ANK2: variants seen among roughly 807,000 people sequenced by gnomAD.
ANK2 encodes ankyrin 2.
A neutral mutation model predicts 360.5 loss-of-function variants in ANK2; 83 were observed. That is an observed-to-expected ratio of 0.23 (90% CI 0.19 to 0.28). The LOEUF (loss-of-function observed/expected upper bound fraction) is 0.28. ANK2 is among the 10% of genes least tolerant of loss of function. The probability of loss-of-function intolerance (pLI) is 1.00; values close to 1 mark genes in which losing one functional copy is unlikely to be tolerated. For synonymous variants in ANK2, 1,740 were observed against 1,759.5 expected (o/e 0.99, Z 0.28); for missense variants, 4,201 against 4,795.7 (o/e 0.88, Z 3.66).
At chr4:112,804,272 G>A in the ANK2 span, among the ~76,000 whole-genome samples, 4 of 151,962 alleles carry the variant, frequency 2.6e-5, no homozygotes, top group South Asian at 2.1e-4. Flanking sequence ...TGCGCACCTC[G>A]GCCTCCCAAA....
At chr4:112,901,690 G>A (rs371663650) in intron 1 of ANK2, among the ~76,000 whole-genome samples, 2 of 151,830 alleles carry the variant, frequency 1.3e-5, no homozygotes, top group Admixed American at 6.6e-5. Context: ...GTGAAACCCC[G>A]TCTCTACTAA....
Position 113,354,379 on chromosome 4 carries a change from A to G in ANK2, c.5761A>G (p.Arg1921Gly), listed in dbSNP as rs2095609857. 1 of 1,613,916 alleles carries G rather than the reference A, an allele frequency of 6.2e-7. No homozygotes were observed. The highest frequency in any genetic ancestry group is 1.3e-5 in the African/African-American group (1 of 74,912). The change falls in exon 38 of 46, where the codon AGG becomes GGG. Residue 1921 changes from arginine to glycine, a missense_variant. Around this residue, in one of 4 missense-constraint regions of ANK2, gnomAD observed 2,642 missense variants for 2,714.5 expected, o/e 0.97. Coordinates refer to ENST00000357077, the MANE Select transcript of ANK2 (RefSeq NM_001148.6). ...DKRPPVSPSG[R>G]TEKHPPVSPG... ...ACGTCCACCTGTATCGCCCTCCGGGAGGACAGAAAAACACCCGCCAGTATC... is the reference window on the plus strand; with the variant it reads ...ACGTCCACCTGTATCGCCCTCCGGGGGGACAGAAAAACACCCGCCAGTATC...
chr4:112,784,580 T>C, the ANK2 span, among the ~76,000 whole-genome samples: 1 of 151,884 alleles, frequency 6.6e-6, no homozygotes, highest in Non-Finnish European at 1.5e-5. Flanking sequence ...CCTGACCTCA[T>C]GATCCGCCCG....
At chr4:112,903,417 C>T (rs2084122223) in intron 1 of ANK2, among the ~76,000 whole-genome samples, 2 of 152,176 alleles carry the variant, frequency 1.3e-5, no homozygotes, top group South Asian at 4.1e-4. Flanking sequence ...ATAATTGGTC[C>T]AGGGATCCTA....
chr4:112,712,512 A>G, the ANK2 span, among the ~76,000 whole-genome samples: 1 of 142,888 alleles, frequency 7.0e-6, no homozygotes, highest in Admixed American at 7.6e-5. Flanking sequence ...GGTTCACGCC[A>G]TTCCCCTGCC....
chr4:113,230,572 C>G (rs74535979), intron 4 of ANK2, among the ~76,000 whole-genome samples: 1 of 151,998 alleles, frequency 6.6e-6, no homozygotes, highest in Non-Finnish European at 1.5e-5. Context: ...GAACGCTGAT[C>G]TGTGTTTTTA....
chr4:112,876,219 A>G (rs1283943062), intron 1 of ANK2, among the ~76,000 whole-genome samples: 5 of 152,178 alleles, frequency 3.3e-5, no homozygotes, highest in African/African-American at 1.2e-4. Context: ...AAACAGCTTC[A>G]AGGGATTCAC....
At chr4:112,903,673 A>G (rs1368262127) in intron 1 of ANK2, among the ~76,000 whole-genome samples, 2 of 152,224 alleles carry the variant, frequency 1.3e-5, no homozygotes, top group South Asian at 2.1e-4. Context: ...ATGTAATATA[A>G]CAAGATTTTG....
At chr4:113,174,726 AAAC>A (rs1262619760) in intron 2 of ANK2, among the ~76,000 whole-genome samples, 1 of 152,216 alleles carries the variant, frequency 6.6e-6, no homozygotes, top group East Asian at 1.9e-4. Flanking sequence ...GATAGATCAA[AAAC>A]AACAACTGAA....
intron 1 of ANK2, among the ~76,000 whole-genome samples, chr4:113,138,834 CA>C (rs2096539426): frequency 6.6e-6 from 1 of 152,124 alleles, no homozygotes; most frequent in African/African-American, 2.4e-5. Context: ...GGTGAGTATA[CA>C]AACTGAACAT....
intron 1 of ANK2, among the ~76,000 whole-genome samples, chr4:112,834,734 G>A (rs2060626524): frequency 6.6e-6 from 1 of 152,022 alleles, no homozygotes; most frequent in African/African-American, 2.4e-5. Flanking sequence ...ATGTCTTTTT[G>A]CAGTTGGATT....
the ANK2 span, among the ~76,000 whole-genome samples, chr4:112,757,802 G>T: frequency 0.02 from 3,085 of 152,244 alleles, 113 homozygotes; most frequent in African/African-American, 0.071. Flanking sequence ...ATAAAGAAAG[G>T]CTGTGGATTG....
intron 2 of ANK2, among the ~76,000 whole-genome samples, chr4:112,971,604 A>T (rs1384906734): frequency 1.3e-5 from 2 of 152,224 alleles, no homozygotes; most frequent in African/African-American, 4.8e-5. Flanking sequence ...AGAAGTCTTT[A>T]TGGTTGGAAA....
chr4:113,376,076 C>T (rs1325628036), intron 45 of ANK2, among the ~76,000 whole-genome samples: 1 of 152,168 alleles, frequency 6.6e-6, no homozygotes, highest in Non-Finnish European at 1.5e-5. Context: ...TGACCTTGAG[C>T]AGTAGGATAT....
chr4:113,174,292 C>T (rs559533426), intron 1 of ANK2, 124 bp from the exon 2 acceptor site: 16 of 722,784 alleles, frequency 2.2e-5, no homozygotes, highest in East Asian at 6.1e-5. Context: ...TTTTAAACTC[C>T]GTATTATTGA....
intron 1 of ANK2, among the ~76,000 whole-genome samples, chr4:112,875,071 T>C (rs2074594140): frequency 6.6e-6 from 1 of 151,406 alleles, no homozygotes; most frequent in African/African-American, 2.4e-5. Flanking sequence ...TGAGTCTGGC[T>C]CTGTTGCCCA....
In ANK2 at chr4:113,293,543, G is replaced by A; in HGVS notation, c.2475+5G>A. The stretch of plus-strand genomic sequence containing the variant: ...GAGGTCACCACCACCACCACAGTGA[G>A]TATGAGTGACTGACTAGCTTCAGCC... On this transcript the variant is annotated splice_donor_5th_base_variant and intron_variant, in intron 22 of 45. Transcript: ENST00000357077. The A allele has an allele frequency of 6.2e-7, 1 of 1,609,394 alleles. No individual in the cohort carries two copies.
At chr4:113,251,475 CTTTTTTTTTTT>C (rs1167630240) in intron 10 of ANK2, among the ~76,000 whole-genome samples, 1 of 88,120 alleles carries the variant, frequency 1.1e-5, no homozygotes, top group Admixed American at 1.5e-4. Context: ...AATACAAAAT[CTTTTTTTTTTT>C]TTTTTTTTTT....
chr4:112,826,987 T>C (rs2058551269), intron 1 of ANK2: 2 of 1,524,412 alleles, frequency 1.3e-6, no homozygotes, highest in Non-Finnish European at 9.1e-7. Context: ...CCATTTCTTT[T>C]TATTGGAGTT....
Sources: allele counts gnomAD v4.1 joint callset (sites outside exome capture counted in the v4.1 genomes callset), GRCh38; gene constraint gnomAD v4.1.1; regional missense constraint gnomAD v4.1.1; transcripts MANE v1.5; gene names NCBI Gene and HGNC (gene_info 2026-07-23, HGNC 2026-07-21).